The following IQSEC1 variants were observed in gnomAD, a reference collection of about 807,000 sequenced individuals.
IQSEC1 encodes the protein IQ motif and Sec7 domain ArfGEF 1, also known as IQ motif and SEC7 domain-containing protein 1.
Under a neutral mutation model 91.0 loss-of-function variants are expected in IQSEC1, and 31 were observed. The observed-to-expected ratio is 0.34, with a 90% CI of 0.26 to 0.46. The LOEUF (loss-of-function observed/expected upper bound fraction) is 0.46. IQSEC1 is among the 20% of genes least tolerant of loss of function. IQSEC1 has a pLI of 1.00. For missense variants in IQSEC1, 1,388 were observed against 1,575.6 expected (o/e 0.88, Z 2.02); for synonymous variants, 699 against 662.6 (o/e 1.05, Z -0.84).
At chr3:13,048,463 A>AC (rs1403375051) in intron 1 of IQSEC1, among the ~76,000 whole-genome samples, 2 of 151,148 alleles carry the variant, frequency 1.3e-5, no homozygotes, top group African/African-American at 4.9e-5. Context: ...GGGCACCCAC[A>AC]CCCCCCATCG....
chr3:12,986,048 T>C (rs978753032), intron 1 of IQSEC1, among the ~76,000 whole-genome samples: 1 of 152,164 alleles, frequency 6.6e-6, no homozygotes, highest in Non-Finnish European at 1.5e-5. Context: ...TTCTTTACCA[T>C]CTCATTTCAG....
In IQSEC1 at chr3:12,922,324, A is replaced by G; in HGVS notation, c.1731-82T>C. On this transcript the variant is annotated intron_variant, in intron 4 of 13. Coordinates refer to ENST00000613206, the MANE Select transcript of IQSEC1 (RefSeq NM_001134382.3). The surrounding 1 kb of genome is among the most constrained non-coding windows in gnomAD (Gnocchi z 5.1). ...GCCCACCCCCAGGTGGTGGTGCCTG[A>G]AGCCCTGGGAATGGACCGCCTCCTG... 1 of 1,438,028 alleles carries G rather than the reference A, an allele frequency of 7.0e-7. No individual in the cohort carries two copies. Among genetic ancestry groups the G allele is most frequent in the Non-Finnish European group, 9.2e-7 (1 of 1,083,658 alleles). The allele number at this position is 1,438,028 out of a possible 1,614,324, so 89.1% of individuals were successfully genotyped here. A position where few individuals can be genotyped will look rare whatever the true frequency, so the allele number is the denominator to read the frequency against.
At chr3:13,112,808 G>C (rs574956723) in intron 2 of IQSEC1, among the ~76,000 whole-genome samples, 46 of 152,368 alleles carry the variant, frequency 3.0e-4, no homozygotes, top group African/African-American at 1.1e-3. Context: ...ACACACGGAG[G>C]AGGAAGCCTG....
Position 13,008,809 on chromosome 3 carries a change from G to C in IQSEC1, c.23+64183C>G, listed in dbSNP as rs1241647360. Among the ~76,000 whole-genome samples the C allele has an allele frequency of 6.6e-6, 1 of 152,200 alleles. No homozygotes were observed. Among genetic ancestry groups the C allele is most frequent in the East Asian group, 1.9e-4 (1 of 5,180 alleles). On this transcript the variant is annotated intron_variant, in intron 1 of 13. Coordinates refer to ENST00000613206, the MANE Select transcript of IQSEC1 (RefSeq NM_001134382.3). This position sits in a 1 kb window ranked among gnomAD's most constrained non-coding sequence, Gnocchi z 4.1. The stretch of plus-strand genomic sequence containing the variant: ...AGGGCAGAAAGGGGAGCTCACAGAG[G>C]AGGGGATATCCAGCTAACCCAGTGG...
intron 1 of IQSEC1, among the ~76,000 whole-genome samples, chr3:13,068,478 C>T (rs973572684): frequency 6.6e-6 from 1 of 152,196 alleles, no homozygotes; most frequent in Non-Finnish European, 1.5e-5. Flanking sequence ...AATTTTCAGG[C>T]CCCAGGCTCA....
At chr3:13,130,567 A>G (rs1706595268) in intron 2 of IQSEC1, among the ~76,000 whole-genome samples, 1 of 152,052 alleles carries the variant, frequency 6.6e-6, no homozygotes, top group Non-Finnish European at 1.5e-5. Context: ...TAATCAGGTT[A>G]AGTTGGTTGA....
intron 1 of IQSEC1, among the ~76,000 whole-genome samples, chr3:13,188,628 A>C (rs954000825): frequency 6.6e-6 from 1 of 152,234 alleles, no homozygotes; most frequent in African/African-American, 2.4e-5. Context: ...TCCAAAGTTC[A>C]TGCTCTAAAC....
chr3:12,943,044 G>GCTATACAGTATGATTA (rs1031989020), intron 1 of IQSEC1, among the ~76,000 whole-genome samples: 1 of 152,240 alleles, frequency 6.6e-6, no homozygotes, highest in Admixed American at 6.5e-5. Context: ...CTCATACATT[G>GCTATACAGTATGATTA]CTGTATATAC....
chr3:13,146,409 G>A (rs1013637869), intron 2 of IQSEC1, among the ~76,000 whole-genome samples: 2 of 152,138 alleles, frequency 1.3e-5, no homozygotes, highest in Non-Finnish European at 2.9e-5. Flanking sequence ...TCCTGATTTA[G>A]AAGCCAGGAA....
Position 12,898,986 on chromosome 3 carries a change from TTCTG to T in IQSEC1, c.*1993_*1996del, listed in dbSNP as rs1559588681. ...AATCACACGGTCCCATGCTGTTTCT[TTCTG>T]AGCAGACACCAAAGAAATGCCACGC... is the stretch of plus-strand genomic sequence containing the variant. On this transcript the variant is annotated 3_prime_UTR_variant, in exon 14 of 14. Coordinates refer to ENST00000613206, the MANE Select transcript of IQSEC1 (RefSeq NM_001134382.3). 3 of 216,718 alleles carry T rather than the reference TTCTG, an allele frequency of 1.4e-5. No individual in the cohort carries two copies. The East Asian group carries it at 3.5e-4, about 26-fold the overall frequency. The allele number at this position is 216,718 out of a possible 1,614,324, so 13.4% of individuals were successfully genotyped here.
At chr3:13,031,080 C>CAAT (rs1330608086) in intron 1 of IQSEC1, among the ~76,000 whole-genome samples, 2 of 152,250 alleles carry the variant, frequency 1.3e-5, no homozygotes, top group Non-Finnish European at 2.9e-5. Context: ...GAAAACAAGA[C>CAAT]AATGTTACCG....
At chr3:12,944,716 T>C (rs904832318) in intron 1 of IQSEC1, among the ~76,000 whole-genome samples, 1 of 151,982 alleles carries the variant, frequency 6.6e-6, no homozygotes. Flanking sequence ...AAGAGGAGGA[T>C]TCAAAACAAT....
At position 12,993,852 on chromosome 3, in the gene IQSEC1, G is replaced by A. The variant is rs538623149; in HGVS notation, c.24-51987C>T. 2.0e-5 allele frequency among the ~76,000 whole-genome samples: 3 copies of A among 152,206 alleles called. No homozygotes were observed. The South Asian group carries it at 6.2e-4, about 32-fold the overall frequency. ...CGGCCGGTGCGGGCTTAGCAACTGC[G>A]GCCTCGCAACCTCCTTCCGAGACCC... On this transcript the variant is annotated intron_variant, in intron 1 of 13. Coordinates refer to ENST00000613206, the MANE Select transcript of IQSEC1 (RefSeq NM_001134382.3).
intron 1 of IQSEC1, among the ~76,000 whole-genome samples, chr3:13,281,919 C>T (rs1695798249): frequency 2.0e-5 from 3 of 152,226 alleles, no homozygotes; most frequent in Admixed American, 2.0e-4. Context: ...TCCCAGCCCC[C>T]TTGTCCTGCC....
Position 12,899,135 on chromosome 3 carries a change from C to T in IQSEC1, c.*1848G>A, listed in dbSNP as rs994835000. 4 of 540,408 alleles carry T rather than the reference C, an allele frequency of 7.4e-6. No homozygotes were observed. Among genetic ancestry groups the T allele is most frequent in the African/African-American group, 3.8e-5 (2 of 52,572 alleles). 33.5% of individuals were successfully genotyped at this position (540,408 alleles called of 1,614,324 possible). On this transcript the variant is annotated 3_prime_UTR_variant, in exon 14 of 14. Coordinates refer to ENST00000613206, the MANE Select transcript of IQSEC1 (RefSeq NM_001134382.3). ...TGCTTGGTTTGCAGATTTGCTGGTA[C>T]GGTGATCTCAATGATATGACCGAGG...
At chr3:13,257,918 C>G (rs183228058) in intron 1 of IQSEC1, among the ~76,000 whole-genome samples, 15 of 152,310 alleles carry the variant, frequency 9.8e-5, no homozygotes, top group Admixed American at 9.8e-4. Context: ...TTAGACACAA[C>G]CAAGATGTCC....
Position 12,909,309 on chromosome 3 carries a change from C to T in IQSEC1, c.2542G>A (p.Ala848Thr). 1 of 1,614,200 alleles carries T rather than the reference C, an allele frequency of 6.2e-7. No homozygotes were observed. The highest frequency in any genetic ancestry group is 8.5e-7 in the Non-Finnish European group (1 of 1,180,022). ...TGCTTCTCCATCTCTTGGACTTCCG[C>T]AATGGACTCCCGCAGGTCATCGGTG... is the stretch of plus-strand genomic sequence containing the variant. Reference protein sequence around the residue: ...KFTDDLRESIAEVQEMEKHRI... With the variant: ...KFTDDLRESITEVQEMEKHRI... The change falls in exon 11 of 14, where the codon GCG becomes ACG. Residue 848 changes from alanine to threonine, a missense_variant. Ala to Thr is a moderately conservative substitution (Grantham distance 58, BLOSUM62 0). This residue lies in a region of IQSEC1 where 1,059 missense variants were observed against 1,317.8 expected (regional missense o/e 0.80). Transcript: ENST00000613206. This position sits in a 1 kb window ranked among gnomAD's most constrained non-coding sequence, Gnocchi z 4.9.
At chr3:13,145,592 C>T (rs1388771538) in intron 2 of IQSEC1, among the ~76,000 whole-genome samples, 2 of 152,090 alleles carry the variant, frequency 1.3e-5, no homozygotes, top group East Asian at 3.9e-4. Flanking sequence ...ACAGTCATGA[C>T]CGACTTGGCC....
intron 1 of IQSEC1, among the ~76,000 whole-genome samples, chr3:13,229,702 T>A (rs1456221457): frequency 6.6e-6 from 1 of 152,204 alleles, no homozygotes; most frequent in African/African-American, 2.4e-5. Context: ...GTTCCTACAC[T>A]GGAGCCTCTG....
Sources: gnomAD v4.1 joint callset for allele counts (sites outside exome capture counted in the v4.1 genomes callset) on GRCh38, gnomAD v4.1.1 for gene constraint, gnomAD v4.1.1 regional missense constraint, Gnocchi (gnomAD v3.1) non-coding constraint, MANE v1.5 for transcripts, NCBI Gene and HGNC (gene_info 2026-07-23, HGNC 2026-07-21) for gene names.